Variants in KCNMB4 observed in about 807,000 individuals in gnomAD.
KCNMB4 encodes the protein potassium calcium-activated channel subfamily M regulatory beta subunit 4.
Under a neutral mutation model 20.7 loss-of-function variants are expected in KCNMB4, and 3 were observed. The ratio of observed to expected loss-of-function variants is 0.14; its 90% CI spans 0.07 to 0.37. KCNMB4 has a LOEUF of 0.37. Among genes scored for constraint, KCNMB4 ranks in the 10% least tolerant of loss-of-function variants. The probability of loss-of-function intolerance (pLI) is 1.00; values close to 1 mark genes in which losing one functional copy is unlikely to be tolerated. For missense variants in KCNMB4, 168 were observed against 265.9 expected (o/e 0.63, Z 2.56); for synonymous variants, 110 against 113.4 (o/e 0.97, Z 0.19).
chr12:70,387,543 C>T (rs186010501), intron 1 of KCNMB4, among the ~76,000 whole-genome samples: 58 of 152,098 alleles, frequency 3.8e-4, no homozygotes, highest in Admixed American at 2.1e-3. Flanking sequence ...GCTGGGATTA[C>T]AGGCGTGCAC....
intron 1 of KCNMB4, among the ~76,000 whole-genome samples, chr12:70,388,968 CTTTTTTTT>C (rs200792819): frequency 7.0e-6 from 1 of 142,160 alleles, no homozygotes; most frequent in African/African-American, 2.6e-5. Flanking sequence ...ATTTTTAGGG[CTTTTTTTT>C]TTTTCTGGTT....
intron 1 of KCNMB4, among the ~76,000 whole-genome samples, chr12:70,384,483 G>T (rs1250744502): frequency 6.6e-6 from 1 of 152,174 alleles, no homozygotes; most frequent in Non-Finnish European, 1.5e-5. Context: ...GATAATGAAT[G>T]ACTGAAAAGG....
intron 2 of KCNMB4, among the ~76,000 whole-genome samples, chr12:70,423,336 T>G (rs1284823940): frequency 6.6e-6 from 1 of 152,186 alleles, no homozygotes; most frequent in Admixed American, 6.5e-5. Flanking sequence ...TAACCTACTT[T>G]GAGAAAACAG....
chr12:70,409,024 T>G (rs1001037306), intron 2 of KCNMB4, among the ~76,000 whole-genome samples: 1 of 152,216 alleles, frequency 6.6e-6, no homozygotes, highest in African/African-American at 2.4e-5. Context: ...TGAAAATAAC[T>G]ATTCATTCTT....
chr12:70,421,103 A>C (rs1869041560), intron 2 of KCNMB4, among the ~76,000 whole-genome samples: 1 of 151,652 alleles, frequency 6.6e-6, no homozygotes, highest in African/African-American at 2.4e-5. Flanking sequence ...GTTCTGTATC[A>C]TACTCTTGGG....
intron 2 of KCNMB4, among the ~76,000 whole-genome samples, chr12:70,402,237 A>G (rs1028267690): frequency 4.6e-5 from 7 of 152,014 alleles, no homozygotes; most frequent in Admixed American, 2.0e-4. Context: ...GCCTTCCTTG[A>G]TCCCCAATTT....
At chr12:70,387,353 TTTC>T (rs1372956510) in intron 1 of KCNMB4, among the ~76,000 whole-genome samples, 1 of 151,982 alleles carries the variant, frequency 6.6e-6, no homozygotes, top group African/African-American at 2.4e-5. Flanking sequence ...GGCCATTTTA[TTTC>T]TTCATTTGTG....
chr12:70,393,447 C>A (rs942430683), intron 1 of KCNMB4, among the ~76,000 whole-genome samples: 3 of 152,056 alleles, frequency 2.0e-5, no homozygotes, highest in Non-Finnish European at 4.4e-5. Context: ...GTGACCCACC[C>A]GCCTTGGCCC....
rs1257230113 is a variant in KCNMB4 at position 70,400,259 on chromosome 12, T to A, written c.387T>A (p.Ser129Arg). ...GAGAAAATCAGAAGAATTTGGAAAG[T>A]GTCATGAATTGGCAACAGTACTGGA... ...CKRENQKNLE[S>R]VMNWQQYWKD... The change falls in exon 2 of 3, where the codon AGT becomes AGA. Residue 129 changes from serine (S) to arginine (R), a missense_variant. Physicochemically the swap from Ser to Arg is moderately radical, Grantham distance 110. Coordinates refer to ENST00000258111, the MANE Select transcript of KCNMB4 (RefSeq NM_014505.6). 1 of 1,612,582 alleles carries A rather than the reference T, an allele frequency of 6.2e-7. No individual in the cohort carries two copies. Among genetic ancestry groups the A allele is most frequent in the African/African-American group, 1.3e-5 (1 of 74,900 alleles).
At chr12:70,423,064 G>T (rs1270271403) in intron 2 of KCNMB4, among the ~76,000 whole-genome samples, 7 of 152,164 alleles carry the variant, frequency 4.6e-5, no homozygotes, top group African/African-American at 1.7e-4. Flanking sequence ...TAAGTTTGGG[G>T]TATAACTTCT....
In KCNMB4 at chr12:70,385,419, T is replaced by C. The variant is rs551898013; in HGVS notation, c.337-14790T>C. On this transcript the variant is annotated intron_variant, in intron 1 of 2. Coordinates refer to ENST00000258111, the MANE Select transcript of KCNMB4 (RefSeq NM_014505.6). ...TCCCATGTCCCTGTGATGTACTGAA[T>C]ATTTTCTTCGGTTAATGTCAAACAC... is the stretch of plus-strand genomic sequence containing the variant. Among the ~76,000 whole-genome samples, 5 of 152,364 alleles carry C rather than the reference T, an allele frequency of 3.3e-5. No homozygotes were observed. The South Asian group carries it at 1.0e-3, about 32-fold the overall frequency.
rs1869338899 is a variant in KCNMB4 at position 70,430,615 on chromosome 12, G to C, written c.595G>C (p.Val199Leu). ...GACCATCTGTGCCAAGAGCTTGGCG[G>C]TCAAGGCGGAAGCCATGAAGAAGCG... ...VLTICAKSLA[V>L]KAEAMKKRKF... The change falls in exon 3 of 3, where the codon GTC becomes CTC. Residue 199 changes from valine to leucine, a missense_variant. Val to Leu is a conservative substitution (Grantham distance 32). Coordinates refer to ENST00000258111, the MANE Select transcript of KCNMB4 (RefSeq NM_014505.6). 1 of 1,612,318 alleles carries C rather than the reference G, an allele frequency of 6.2e-7. No individual in the cohort carries two copies. The highest frequency in any genetic ancestry group is 1.7e-4 in the Middle Eastern group (1 of 6,048).
intron 1 of KCNMB4, among the ~76,000 whole-genome samples, chr12:70,371,871 A>G (rs982839378): frequency 6.6e-6 from 1 of 152,218 alleles, no homozygotes; most frequent in Non-Finnish European, 1.5e-5. Context: ...AACAGACAAG[A>G]AATAAATGTA....
chr12:70,402,876 A>G (rs891180284), intron 2 of KCNMB4, among the ~76,000 whole-genome samples: 1 of 152,166 alleles, frequency 6.6e-6, no homozygotes, highest in Admixed American at 6.5e-5. Context: ...AAAGAGAGAA[A>G]GAGCCTGTCT....
At chr12:70,419,053 C>G (rs901569572) in intron 2 of KCNMB4, among the ~76,000 whole-genome samples, 1 of 152,140 alleles carries the variant, frequency 6.6e-6, no homozygotes, top group Non-Finnish European at 1.5e-5. Flanking sequence ...GATTTTTAGT[C>G]CTATCCAGCC....
At chr12:70,386,760 T>G (rs545400894) in intron 1 of KCNMB4, among the ~76,000 whole-genome samples, 2 of 152,332 alleles carry the variant, frequency 1.3e-5, no homozygotes, top group South Asian at 4.1e-4. Flanking sequence ...GTTGCTCTTT[T>G]GTTTGTAATT....
Position 70,405,316 on chromosome 12 carries a change from A to G in KCNMB4, c.464+4980A>G, listed in dbSNP as rs187011798. 1.4e-4 allele frequency among the ~76,000 whole-genome samples: 21 copies of G among 152,356 alleles called. No individual in the cohort carries two copies. In the East Asian group the frequency reaches 3.9e-3, roughly 28 times the overall value. ...AAAAGAAACTAATAATCTGATTTAA[A>G]AAAAGGCTAAGGGCTTAAATAGATA... On this transcript the variant is annotated intron_variant, in intron 2 of 2. Coordinates refer to ENST00000258111, the MANE Select transcript of KCNMB4 (RefSeq NM_014505.6).
chr12:70,390,761 G>C (rs1031426075), intron 1 of KCNMB4, among the ~76,000 whole-genome samples: 7 of 152,246 alleles, frequency 4.6e-5, no homozygotes, highest in African/African-American at 1.7e-4. Context: ...GGATCTGTAG[G>C]AACAATCGTG....
chr12:70,399,652 A>G (rs879867289), intron 1 of KCNMB4, among the ~76,000 whole-genome samples: 13 of 152,220 alleles, frequency 8.5e-5, no homozygotes, highest in Non-Finnish European at 1.8e-4. Context: ...AGGCATGGCT[A>G]GGAAAAGACA....
Sources: gnomAD v4.1 joint callset for allele counts (sites outside exome capture counted in the v4.1 genomes callset) on GRCh38, gnomAD v4.1.1 for gene constraint, MANE v1.5 for transcripts, NCBI Gene and HGNC (gene_info 2026-07-23, HGNC 2026-07-21) for gene names.